TRARG1: variants seen among roughly 807,000 people sequenced by gnomAD.
TRARG1 encodes trafficking regulator of GLUT4 (SLC2A4) 1 (gene/pseudogene), also known as trafficking regulator of GLUT4 1.
TRARG1 carries 16 observed loss-of-function variants against 13.3 expected under a neutral mutation model. That is an observed-to-expected ratio of 1.20 (90% CI 0.81 to 1.83). The LOEUF is 1.83. Ranked by LOEUF, TRARG1 falls within the 40% of genes most tolerant of loss-of-function variation. The pLI, the probability that TRARG1 is intolerant of heterozygous loss-of-function variation, is 0.00. For missense variants in TRARG1, 250 were observed against 237.4 expected (o/e 1.05, Z -0.35); for synonymous variants, 113 against 106.2 (o/e 1.06, Z -0.39).
In TRARG1 at chr17:1,284,122, AAAAG is replaced by A. The variant is rs35790659; in HGVS notation, c.387+3754_387+3757del. Among the ~76,000 whole-genome samples, 204 of 149,498 alleles carry A rather than the reference AAAAG, an allele frequency of 1.4e-3. 2 individuals are homozygous for A. In the East Asian group the frequency reaches 0.019, roughly 14 times the overall value. On this transcript the variant is annotated intron_variant, in intron 1 of 2. Coordinates refer to ENST00000333813, the MANE Select transcript of TRARG1 (RefSeq NM_172367.3). ...AGAGCAAGATTCTGTCTCAAAAAAA[AAAAG>A]AAAGAAAGAAAGAAAGAAAAGAAAG...
intron 1 of TRARG1, among the ~76,000 whole-genome samples, chr17:1,285,958 A>G (rs933301356): frequency 1.3e-5 from 2 of 152,188 alleles, no homozygotes; most frequent in African/African-American, 4.8e-5. Flanking sequence ...CTCAGGTTCA[A>G]TGAGCATGGA....
chr17:1,282,222 G>GTGCGTATATGTACGTATA (rs2071983866), intron 1 of TRARG1, among the ~76,000 whole-genome samples: 3 of 115,262 alleles, frequency 2.6e-5, no homozygotes, highest in Non-Finnish European at 3.6e-5. Flanking sequence ...ACGTATACAC[G>GTGCGTATATGTACGTATA]TGCGTATATG....
intron 1 of TRARG1, among the ~76,000 whole-genome samples, chr17:1,281,222 G>A (rs904102081): frequency 3.9e-5 from 6 of 152,206 alleles, no homozygotes; most frequent in Non-Finnish European, 8.8e-5. Context: ...GCAGATATTG[G>A]CAAGTGACTT....
At chr17:1,289,550 G>C (rs995326467) in intron 1 of TRARG1, among the ~76,000 whole-genome samples, 2 of 150,212 alleles carry the variant, frequency 1.3e-5, no homozygotes, top group Non-Finnish European at 3.0e-5. Flanking sequence ...TGCCGGACAC[G>C]GCACTGTCAG....
At chr17:1,283,498 T>C (rs1189417784) in intron 1 of TRARG1, among the ~76,000 whole-genome samples, 1 of 152,188 alleles carries the variant, frequency 6.6e-6, no homozygotes, top group Admixed American at 6.5e-5. Flanking sequence ...AACATTTGCC[T>C]CATCTCCAAA....
At chr17:1,295,751 C>G (rs1306587331) in intron 2 of TRARG1, 128 bp downstream of exon 2, 4 of 1,086,746 alleles carry the variant, frequency 3.7e-6, no homozygotes, top group Non-Finnish European at 5.2e-6. Flanking sequence ...GGGGCCCCGG[C>G]CTTATCCTCC....
In TRARG1 at chr17:1,280,068, C is replaced by G. The variant is rs1193647945; in HGVS notation, c.67C>G (p.Leu23Val). ...GCCAGGCTCCGCCGCATTCCTGGAC[C>G]TGCCGGAGATGGAGATACTCCTCAC... ...QEPGSAAFLD[L>V]PEMEILLTKA... The change falls in exon 1 of 3, where the codon CTG becomes GTG. Residue 23 changes from leucine (L) to valine (V), a missense_variant. Physicochemically the swap from Leu to Val is conservative, Grantham distance 32. Transcript: ENST00000333813. The G allele has an allele frequency of 6.2e-7, 1 of 1,613,522 alleles. No homozygotes were observed. The highest frequency in any genetic ancestry group is 1.1e-5 in the South Asian group (1 of 91,068).
At chr17:1,282,219 CACGT>C (rs2071983676) in intron 1 of TRARG1, among the ~76,000 whole-genome samples, 1 of 115,158 alleles carries the variant, frequency 8.7e-6, no homozygotes, top group African/African-American at 3.5e-5. Context: ...TGTACGTATA[CACGT>C]GCGTATATGT....
intron 1 of TRARG1, among the ~76,000 whole-genome samples, chr17:1,295,061 A>G (rs938588396): frequency 1.4e-4 from 22 of 152,126 alleles, no homozygotes; most frequent in African/African-American, 5.1e-4. Context: ...GGCTGTAGGA[A>G]GAGCCCAGGG....
At chr17:1,280,772 C>A (rs1310479393) in intron 1 of TRARG1, among the ~76,000 whole-genome samples, 3 of 152,196 alleles carry the variant, frequency 2.0e-5, no homozygotes, top group Admixed American at 6.5e-5. Flanking sequence ...GCTGTCTCAG[C>A]AGAGGTTGCA....
At position 1,295,559 on chromosome 17, in the gene TRARG1, C is replaced by T; in HGVS notation, c.456C>T (p.Leu152=). The part of the protein sequence containing the change: ...ARRLGRLARL[L]SITLIIMGIV... ...GGCTGGGCCGCCTGGCTCGGCTGCT[C>T]AGCATTACCCTCATCATCATGGGCA... Residue 152 remains leucine (L), a synonymous_variant, in exon 2 of 3, where the codon CTC becomes CTT. Transcript: ENST00000333813. The T allele has an allele frequency of 2.5e-6, 4 of 1,613,288 alleles. No homozygotes were observed. The highest frequency in any genetic ancestry group is 3.4e-6 in the Non-Finnish European group (4 of 1,179,762).
chr17:1,295,766 C>A, intron 2 of TRARG1, 143 bp downstream of exon 2: 1 of 919,312 alleles, frequency 1.1e-6, no homozygotes, highest in Non-Finnish European at 1.6e-6. Flanking sequence ...TCCTCCCAGT[C>A]CATAAAGTGC....
intron 1 of TRARG1, among the ~76,000 whole-genome samples, chr17:1,288,183 CT>C (rs1305710204): frequency 6.6e-6 from 1 of 151,954 alleles, no homozygotes; most frequent in Non-Finnish European, 1.5e-5. Context: ...TTCGCTTCCA[CT>C]GCTGAGCTCC....
Position 1,285,208 on chromosome 17 carries a change from G to A in TRARG1, c.387+4820G>A, listed in dbSNP as rs372712633. Among the ~76,000 whole-genome samples, 33 of 151,454 alleles carry A rather than the reference G, an allele frequency of 2.2e-4. 1 individual carries two copies. In the South Asian group the frequency reaches 6.3e-3, roughly 29 times the overall value. On this transcript the variant is annotated intron_variant, in intron 1 of 2. Coordinates refer to ENST00000333813, the MANE Select transcript of TRARG1 (RefSeq NM_172367.3). ...GTGGATCACTTGAGGTCAGGAGTTC[G>A]AGACCAGCCTGGCTAACATGGTGAA...
intron 2 of TRARG1, among the ~76,000 whole-genome samples, chr17:1,297,164 G>A (rs550331760): frequency 6.6e-6 from 1 of 152,250 alleles, no homozygotes; most frequent in South Asian, 2.1e-4. Flanking sequence ...CCTGTGACGG[G>A]ATTATCGAGG....
intron 1 of TRARG1, among the ~76,000 whole-genome samples, chr17:1,294,710 C>T (rs1189646733): frequency 1.5e-5 from 2 of 136,136 alleles, no homozygotes; most frequent in Non-Finnish European, 1.5e-5. Context: ...TTTTTTGAGA[C>T]GGAGTCTTGC....
rs78141929 is a variant in TRARG1 at position 1,297,040 on chromosome 17, G to C, written c.521-1211G>C. ...GGGGGTCATCCGGGTCTGAACTGCC[G>C]ATTTTCTTCCTTTCATACACGTACA... On this transcript the variant is annotated intron_variant, in intron 2 of 2. Transcript: ENST00000333813. 7.6e-3 allele frequency among the ~76,000 whole-genome samples: 1,158 copies of C among 152,198 alleles called. 18 individuals are homozygous for C. Among genetic ancestry groups the C allele is most frequent in the African/African-American group, 0.026 (1,079 of 41,532 alleles).
At chr17:1,298,031 G>T (rs1429835419) in intron 2 of TRARG1, among the ~76,000 whole-genome samples, 1 of 152,188 alleles carries the variant, frequency 6.6e-6, no homozygotes, top group East Asian at 1.9e-4. Flanking sequence ...CTCTGACCCA[G>T]TGCCACCTGA....
intron 1 of TRARG1, among the ~76,000 whole-genome samples, chr17:1,282,100 A>C (rs1014466190): frequency 1.4e-5 from 2 of 145,326 alleles, no homozygotes; most frequent in Admixed American, 7.1e-5. Flanking sequence ...ATATACGTAT[A>C]TGTGTACACA....
Sources: gnomAD v4.1 joint callset for allele counts (sites outside exome capture counted in the v4.1 genomes callset) on GRCh38, gnomAD v4.1.1 for gene constraint, MANE v1.5 for transcripts, NCBI Gene and HGNC (gene_info 2026-07-23, HGNC 2026-07-21) for gene names.